Variants in ZNF148 observed in about 807,000 individuals in gnomAD.
ZNF148 encodes the protein zinc finger protein 148.
A neutral mutation model predicts 67.7 loss-of-function variants in ZNF148; 7 were observed. The ratio of observed to expected loss-of-function variants is 0.10; its 90% CI spans 0.06 to 0.19. The LOEUF (loss-of-function observed/expected upper bound fraction) is 0.19. ZNF148 is among the 10% of genes least tolerant of loss of function. The pLI is 1.00. For missense variants in ZNF148, 583 were observed against 947.1 expected (o/e 0.62, Z 5.05); for synonymous variants, 333 against 330.7 (o/e 1.01, Z -0.08).
intron 7 of ZNF148, among the ~76,000 whole-genome samples, chr3:125,251,513 T>C (rs1936841972): frequency 6.6e-6 from 1 of 152,202 alleles, no homozygotes; most frequent in Admixed American, 6.5e-5. Flanking sequence ...CTCCACCCCT[T>C]TTCTCCATCA....
intron 7 of ZNF148, among the ~76,000 whole-genome samples, chr3:125,258,937 AAT>A (rs1216692929): frequency 1.3e-4 from 20 of 152,204 alleles, no homozygotes; most frequent in African/African-American, 2.4e-5. Flanking sequence ...ATTTCAAAAA[AAT>A]ATGTTAATGT....
chr3:125,353,736 T>C (rs1001195959), intron 1 of ZNF148, among the ~76,000 whole-genome samples: 1 of 151,786 alleles, frequency 6.6e-6, no homozygotes. Context: ...ATTACAGGCA[T>C]GAGCCACTGT....
chr3:125,366,093 T>C (rs1039999477), intron 1 of ZNF148, among the ~76,000 whole-genome samples: 2 of 152,178 alleles, frequency 1.3e-5, no homozygotes, highest in African/African-American at 4.8e-5. Flanking sequence ...TTGGCTCAAT[T>C]CTCTACTCAG....
chr3:125,287,579 C>T (rs1938732796), intron 5 of ZNF148, among the ~76,000 whole-genome samples: 1 of 152,144 alleles, frequency 6.6e-6, no homozygotes, highest in South Asian at 2.1e-4. Context: ...ACTGAGGCTG[C>T]AGTGAGCCAT....
intron 4 of ZNF148, among the ~76,000 whole-genome samples, chr3:125,302,736 T>C (rs1939661637): frequency 6.6e-6 from 1 of 152,192 alleles, no homozygotes; most frequent in South Asian, 2.1e-4. Flanking sequence ...CAAAATATAC[T>C]GTTAAGTGAA....
intron 1 of ZNF148, among the ~76,000 whole-genome samples, chr3:125,361,630 G>A (rs149979365): frequency 1.1e-3 from 167 of 151,948 alleles, no homozygotes; most frequent in African/African-American, 3.5e-3. Context: ...TCAGGAGTTC[G>A]ACACCAGCCC....
Position 125,373,614 on chromosome 3 carries a change from T to C in ZNF148, c.-234+1488A>G, listed in dbSNP as rs77588001. ...CCCTAGACCTTCTGATAACTAGTCC[T>C]GACCTCCTTGCAACCTAAAACCAAA... is the stretch of plus-strand genomic sequence containing the variant. On this transcript the variant is annotated intron_variant, in intron 1 of 8. Coordinates refer to ENST00000360647, the MANE Select transcript of ZNF148 (RefSeq NM_021964.3). 5.4e-3 allele frequency among the ~76,000 whole-genome samples: 818 copies of C among 152,264 alleles called. 6 individuals are homozygous for C. Among genetic ancestry groups the C allele is most frequent in the African/African-American group, 0.019 (772 of 41,554 alleles).
chr3:125,351,535 G>A (rs1942154221), intron 1 of ZNF148, among the ~76,000 whole-genome samples: 1 of 152,006 alleles, frequency 6.6e-6, no homozygotes, highest in African/African-American at 2.4e-5. Context: ...TAAAAGGATA[G>A]GTCTCATATT....
Position 125,373,853 on chromosome 3 carries a change from A to T in ZNF148, c.-234+1249T>A, listed in dbSNP as rs139621773. 7.9e-5 allele frequency among the ~76,000 whole-genome samples: 12 copies of T among 152,338 alleles called. No individual in the cohort carries two copies. In the East Asian group the frequency reaches 2.3e-3, roughly 29 times the overall value. On this transcript the variant is annotated intron_variant, in intron 1 of 8. Transcript: ENST00000360647. ...TTTGAGCTACAAATGAAGTATCTAA[A>T]GAAGAGCCAGCAAGCATGTCTTCCC...
In ZNF148 at chr3:125,369,908, G is replaced by A. The variant is rs576851898; in HGVS notation, c.-234+5194C>T. Among the ~76,000 whole-genome samples the A allele has an allele frequency of 1.3e-3, 73 of 54,968 alleles. 1 individual carries two copies. In the South Asian group the frequency reaches 0.017, roughly 13 times the overall value. 36.1% of individuals were successfully genotyped at this position (54,968 alleles called of 152,430 possible). On this transcript the variant is annotated intron_variant, in intron 1 of 8. Coordinates refer to ENST00000360647, the MANE Select transcript of ZNF148 (RefSeq NM_021964.3). Reference sequence around the variant, plus strand: ...GGAGAATTGTTTGAACCCAGGAGGCGGAGTTTGAACCCAGCAGTGAGCTGA... The same window carrying A: ...GGAGAATTGTTTGAACCCAGGAGGCAGAGTTTGAACCCAGCAGTGAGCTGA...
intron 4 of ZNF148, among the ~76,000 whole-genome samples, chr3:125,298,269 T>C (rs1043297903): frequency 3.3e-5 from 5 of 151,968 alleles, no homozygotes; most frequent in Non-Finnish European, 5.9e-5. Context: ...TGTACTCTTA[T>C]GATTTGTGCG....
intron 1 of ZNF148, among the ~76,000 whole-genome samples, chr3:125,370,453 G>A (rs556253155): frequency 6.6e-6 from 1 of 152,146 alleles, no homozygotes; most frequent in Non-Finnish European, 1.5e-5. Context: ...GAATCAACCT[G>A]CTGTTAGTTT....
At chr3:125,309,445 T>C (rs1940076461) in intron 4 of ZNF148, among the ~76,000 whole-genome samples, 1 of 152,100 alleles carries the variant, frequency 6.6e-6, no homozygotes, top group South Asian at 2.1e-4. Flanking sequence ...AGGTGAAACA[T>C]GAGTAACAGT....
At chr3:125,352,583 G>C (rs990010336) in intron 1 of ZNF148, among the ~76,000 whole-genome samples, 3 of 151,484 alleles carry the variant, frequency 2.0e-5, no homozygotes, top group Non-Finnish European at 2.9e-5. Flanking sequence ...ATGATGGCTG[G>C]AATTTGCTTC....
intron 1 of ZNF148, among the ~76,000 whole-genome samples, chr3:125,349,707 G>A (rs926078794): frequency 6.6e-6 from 1 of 152,182 alleles, no homozygotes; most frequent in East Asian, 1.9e-4. Flanking sequence ...CAGATGTGGT[G>A]GTTTACACCT....
intron 7 of ZNF148, among the ~76,000 whole-genome samples, chr3:125,238,518 C>T (rs1936196647): frequency 6.6e-6 from 1 of 152,050 alleles, no homozygotes; most frequent in African/African-American, 2.4e-5. Flanking sequence ...ATCCCAGCTA[C>T]TCAGGAGGCT....
At chr3:125,305,773 A>G (rs1939842049) in intron 4 of ZNF148, among the ~76,000 whole-genome samples, 2 of 150,334 alleles carry the variant, frequency 1.3e-5, no homozygotes, top group Admixed American at 1.3e-4. Context: ...TGATCACACC[A>G]CTGCACACCA....
intron 3 of ZNF148, among the ~76,000 whole-genome samples, chr3:125,315,210 T>C (rs1940427253): frequency 6.6e-6 from 1 of 152,220 alleles, no homozygotes; most frequent in Non-Finnish European, 1.5e-5. Context: ...CATTATTCTG[T>C]CCATTTATTT....
intron 7 of ZNF148, among the ~76,000 whole-genome samples, chr3:125,265,095 A>G (rs572763080): frequency 1.0e-3 from 159 of 152,378 alleles, no homozygotes; most frequent in African/African-American, 3.7e-3. Flanking sequence ...TACAAGGTGG[A>G]AAATGAACAA....
Sources: gnomAD v4.1 joint callset for allele counts (sites outside exome capture counted in the v4.1 genomes callset) on GRCh38, gnomAD v4.1.1 for gene constraint, MANE v1.5 for transcripts, NCBI Gene and HGNC (gene_info 2026-07-23, HGNC 2026-07-21) for gene names.